CNBD1: variants seen among roughly 807,000 people sequenced by gnomAD.
CNBD1 encodes cyclic nucleotide-binding domain-containing protein 1.
In CNBD1, 71 loss-of-function variants were observed where a neutral mutation model predicts 54.4. The ratio of observed to expected loss-of-function variants is 1.30; its 90% CI spans 1.08 to 1.59. The LOEUF is 1.59. Ranked by LOEUF, CNBD1 falls within the 40% of genes most tolerant of loss-of-function variation. The pLI is 0.00. For synonymous variants in CNBD1, 182 were observed against 170.7 expected, an observed-to-expected ratio of 1.07 and a Z score of -0.51; for missense variants, 659 against 518.0, an observed-to-expected ratio of 1.27 and a Z score of -2.64.
At chr8:87,192,248 G>T (rs959077424) in intron 4 of CNBD1, among the ~76,000 whole-genome samples, 1 of 152,020 alleles carries the variant, frequency 6.6e-6, no homozygotes, top group Non-Finnish European at 1.5e-5. Context: ...CAAACTTTGT[G>T]ATTTGTTGTA....
intron 4 of CNBD1, among the ~76,000 whole-genome samples, chr8:87,046,943 T>C (rs1318059490): frequency 6.6e-6 from 1 of 152,210 alleles, no homozygotes; most frequent in South Asian, 2.1e-4. Flanking sequence ...GACCGTGTGT[T>C]ATTTGCTATT....
At chr8:87,372,422 G>T (rs1410007676) in intron 10 of CNBD1, among the ~76,000 whole-genome samples, 1 of 151,676 alleles carries the variant, frequency 6.6e-6, no homozygotes, top group South Asian at 2.1e-4. Context: ...ATTATTTCTG[G>T]TTCCTCACTG....
chr8:87,060,642 T>G (rs1342962557), intron 4 of CNBD1, among the ~76,000 whole-genome samples: 3 of 152,174 alleles, frequency 2.0e-5, no homozygotes, highest in African/African-American at 7.2e-5. Context: ...TTTCAAATCT[T>G]AGTCCATTCT....
At chr8:87,405,725 G>A (rs967977424) in intron 2 of CNBD1, among the ~76,000 whole-genome samples, 2 of 152,058 alleles carry the variant, frequency 1.3e-5, no homozygotes, top group Non-Finnish European at 2.9e-5. Flanking sequence ...GCATTTCTTT[G>A]GCATGAAATG....
intron 4 of CNBD1, among the ~76,000 whole-genome samples, chr8:87,165,053 G>A (rs1796788946): frequency 6.6e-6 from 1 of 151,384 alleles, no homozygotes; most frequent in African/African-American, 2.4e-5. Flanking sequence ...GTTCAGGAGT[G>A]TGCTGTTTAT....
At chr8:87,053,434 G>T (rs1810351891) in intron 4 of CNBD1, among the ~76,000 whole-genome samples, 1 of 152,138 alleles carries the variant, frequency 6.6e-6, no homozygotes, top group African/African-American at 2.4e-5. Flanking sequence ...TGCAGGCTGA[G>T]GATGGTTTTT....
chr8:86,899,603 A>C (rs1041925846), intron 2 of CNBD1, among the ~76,000 whole-genome samples: 18 of 152,220 alleles, frequency 1.2e-4, no homozygotes, highest in African/African-American at 3.9e-4. Context: ...GATTTTATAT[A>C]TAACTTTTAT....
intron 2 of CNBD1, among the ~76,000 whole-genome samples, chr8:87,417,727 A>G (rs1807859990): frequency 6.7e-6 from 1 of 149,806 alleles, no homozygotes. Context: ...AATTAATAAA[A>G]TTAATTTCAT....
At chr8:87,070,211 G>A (rs1810732679) in intron 4 of CNBD1, among the ~76,000 whole-genome samples, 1 of 152,086 alleles carries the variant, frequency 6.6e-6, no homozygotes, top group Non-Finnish European at 1.5e-5. Flanking sequence ...CTGTCTGGCT[G>A]AATTGTCATT....
In CNBD1 at chr8:86,906,853, C is replaced by T. The variant is rs1809025521; in HGVS notation, c.272+1659C>T. Among the ~76,000 whole-genome samples, 3 of 152,204 alleles carry T rather than the reference C, an allele frequency of 2.0e-5. No homozygotes were observed. In the South Asian group the frequency reaches 6.2e-4, roughly 32 times the overall value. On this transcript the variant is annotated intron_variant, in intron 3 of 10. Coordinates refer to ENST00000518476, the MANE Select transcript of CNBD1 (RefSeq NM_173538.3). ...CATATTTTTAAGAAAAGAGACAGATCCCAAATGTGTTTTAACAGTAAAACT... is the reference window on the plus strand; with the variant it reads ...CATATTTTTAAGAAAAGAGACAGATTCCAAATGTGTTTTAACAGTAAAACT...
At chr8:87,338,432 T>C (rs940634777) in intron 8 of CNBD1, among the ~76,000 whole-genome samples, 3 of 152,132 alleles carry the variant, frequency 2.0e-5, no homozygotes, top group Non-Finnish European at 2.9e-5. Flanking sequence ...GGATAATTTT[T>C]CAGGTTACAG....
intron 2 of CNBD1, among the ~76,000 whole-genome samples, chr8:87,413,321 A>G (rs1374668415): frequency 6.6e-6 from 1 of 151,940 alleles, no homozygotes. Flanking sequence ...ACTACTTTAA[A>G]TTTCTATAGT....
At position 87,337,579 on chromosome 8, in the gene CNBD1, G is replaced by A. The variant is rs190135108; in HGVS notation, c.1043-14106G>A. On this transcript the variant is annotated intron_variant, in intron 8 of 10. Transcript: ENST00000518476. ...TGAGAATCTGTGTGGCTCCATGGTG[G>A]TGACCCAAGGCCCTGGTGACATGGG... Among the ~76,000 whole-genome samples, 482 of 152,332 alleles carry A rather than the reference G, an allele frequency of 3.2e-3. 2 individuals are homozygous for A. Among genetic ancestry groups the A allele is most frequent in the African/African-American group, 0.011 (455 of 41,574 alleles).
chr8:86,870,354 C>T (rs551366880), intron 1 of CNBD1, among the ~76,000 whole-genome samples: 64 of 151,756 alleles, frequency 4.2e-4, no homozygotes, highest in African/African-American at 1.5e-3. Flanking sequence ...GCAGCCACGC[C>T]TGGCTAATTT....
intron 4 of CNBD1, among the ~76,000 whole-genome samples, chr8:86,979,791 C>A (rs1179807411): frequency 6.6e-6 from 1 of 152,134 alleles, no homozygotes; most frequent in Non-Finnish European, 1.5e-5. Flanking sequence ...CCTGTGATCT[C>A]AAAGCATCAG....
Position 87,321,222 on chromosome 8 carries a change from G to C in CNBD1, c.1043-30463G>C, listed in dbSNP as rs976957610. Among the ~76,000 whole-genome samples the C allele has an allele frequency of 2.0e-5, 3 of 148,928 alleles. No individual in the cohort carries two copies. The East Asian group carries it at 5.8e-4, about 29-fold the overall frequency. On this transcript the variant is annotated intron_variant, in intron 8 of 10. Coordinates refer to ENST00000518476, the MANE Select transcript of CNBD1 (RefSeq NM_173538.3). ...AGTAAGAATGCTGAATCACATGATA[G>C]TTCTATTTTTAATTTTTTGAAGAAT...
intron 10 of CNBD1, among the ~76,000 whole-genome samples, chr8:87,369,162 T>C (rs1440445630): frequency 6.6e-6 from 1 of 152,036 alleles, no homozygotes; most frequent in Non-Finnish European, 1.5e-5. Context: ...TAAATGATAT[T>C]TAATAATGGC....
chr8:86,872,482 A>G (rs1175551449), intron 1 of CNBD1, among the ~76,000 whole-genome samples: 1 of 152,158 alleles, frequency 6.6e-6, no homozygotes, highest in Non-Finnish European at 1.5e-5. Flanking sequence ...TGGTAATTCT[A>G]TTGTTAATAT....
At chr8:86,897,982 A>G (rs2131800765) in intron 2 of CNBD1, among the ~76,000 whole-genome samples, 1 of 152,284 alleles carries the variant, frequency 6.6e-6, no homozygotes, top group Middle Eastern at 3.4e-3. Flanking sequence ...TCATTAGGGG[A>G]ATAGTTAAAT....
Sources: gnomAD v4.1 joint callset for allele counts (sites outside exome capture counted in the v4.1 genomes callset) on GRCh38, gnomAD v4.1.1 for gene constraint, MANE v1.5 for transcripts, NCBI Gene and HGNC (gene_info 2026-07-23, HGNC 2026-07-21) for gene names.